KIRREL3: variants seen among roughly 807,000 people sequenced by gnomAD.
KIRREL3 encodes the protein kirre like nephrin family adhesion molecule 3.
KIRREL3 carries 36 observed loss-of-function variants against 89.7 expected under a neutral mutation model. That is an observed-to-expected ratio of 0.40 (90% CI 0.31 to 0.53). KIRREL3 has a LOEUF of 0.53. Among genes scored for constraint, KIRREL3 ranks in the 20% least tolerant of loss-of-function variants. The pLI, the probability that KIRREL3 is intolerant of heterozygous loss-of-function variation, is 0.49. For synonymous variants in KIRREL3, 445 were observed against 441.4 expected, an observed-to-expected ratio of 1.01 and a Z score of -0.10; for missense variants, 864 against 1,056.6, an observed-to-expected ratio of 0.82 and a Z score of 2.53.
chr11:126,902,482 C>G (rs1946411482), intron 1 of KIRREL3, among the ~76,000 whole-genome samples: 1 of 152,142 alleles, frequency 6.6e-6, no homozygotes, highest in Admixed American at 6.5e-5. Context: ...TCTTATGAAA[C>G]TAGGTTAAAG....
Position 126,615,547 on chromosome 11 carries a change from C to T in KIRREL3, c.56-52635G>A, listed in dbSNP as rs1003815046. ...AACCTGTGTTCCTAACCATCCTGCCCACCAGGATCCTGGAGGTATTCAAGC... is the reference window on the plus strand; with the variant it reads ...AACCTGTGTTCCTAACCATCCTGCCTACCAGGATCCTGGAGGTATTCAAGC... On this transcript the variant is annotated intron_variant, in intron 1 of 16. Transcript: ENST00000525144. This position sits in a 1 kb window ranked among gnomAD's most constrained non-coding sequence, Gnocchi z 5.4. 9.2e-5 allele frequency among the ~76,000 whole-genome samples: 14 copies of T among 152,240 alleles called. No homozygotes were observed. In the East Asian group the frequency reaches 1.5e-3, roughly 17 times the overall value.
In KIRREL3 at chr11:126,552,550, GTTTTTTTTT is replaced by G. The variant is rs59392843; in HGVS notation, c.133+10276_133+10284del. Among the ~76,000 whole-genome samples the G allele has an allele frequency of 5.1e-3, 416 of 81,726 alleles. 3 individuals carry two copies. The highest frequency in any genetic ancestry group is 7.4e-3 in the Non-Finnish European group (316 of 42,972). The allele number at this position is 81,726 out of a possible 152,430, so 53.6% of individuals were successfully genotyped here. On this transcript the variant is annotated intron_variant, in intron 2 of 16. Transcript: ENST00000525144. Reference sequence around the variant, plus strand: ...TGCATCACACAGGGGAGAGAGAAAAGTTTTTTTTTTTTTTTTTTTTTTTTTTTTTTTGAG... The same window carrying G: ...TGCATCACACAGGGGAGAGAGAAAAGTTTTTTTTTTTTTTTTTTTTTTGAG...
At chr11:126,730,834 G>T (rs895801089) in intron 1 of KIRREL3, among the ~76,000 whole-genome samples, 4 of 152,086 alleles carry the variant, frequency 2.6e-5, no homozygotes, top group Admixed American at 6.5e-5. Flanking sequence ...CGCCTCCCAG[G>T]TTCACGCCAT....
Position 126,917,656 on chromosome 11 carries a change from C to T in KIRREL3, c.55+82799G>A, listed in dbSNP as rs1947095051. Reference sequence around the variant, plus strand: ...GTTTCTAGTATGAGTTGCTTCCACTCATACTAGAAACCATATATGTATACC... The same window carrying T: ...GTTTCTAGTATGAGTTGCTTCCACTTATACTAGAAACCATATATGTATACC... On this transcript the variant is annotated intron_variant, in intron 1 of 16. Transcript: ENST00000525144. This position sits in a 1 kb window ranked among gnomAD's most constrained non-coding sequence, Gnocchi z 5.0. Among the ~76,000 whole-genome samples, 1 of 152,096 alleles carries T rather than the reference C, an allele frequency of 6.6e-6. No homozygotes were observed. The highest frequency in any genetic ancestry group is 2.4e-5 in the African/African-American group (1 of 41,408).
At position 126,677,929 on chromosome 11, in the gene KIRREL3, G is replaced by A. The variant is rs1946272005; in HGVS notation, c.56-115017C>T. Among the ~76,000 whole-genome samples the A allele has an allele frequency of 6.6e-6, 1 of 152,136 alleles. No homozygotes were observed. Among genetic ancestry groups the A allele is most frequent in the Non-Finnish European group, 1.5e-5 (1 of 68,022 alleles). The stretch of plus-strand genomic sequence containing the variant: ...ACCACCAAGCCCTGTCTTGTCATCA[G>A]CCTCAGTGTCAGGCCCTGGGACCCA... On this transcript the variant is annotated intron_variant, in intron 1 of 16. Coordinates refer to ENST00000525144, the MANE Select transcript of KIRREL3 (RefSeq NM_032531.4). The surrounding 1 kb of genome is among the most constrained non-coding windows in gnomAD (Gnocchi z 5.1).
intron 1 of KIRREL3, among the ~76,000 whole-genome samples, chr11:126,749,709 G>A (rs1949274514): frequency 6.6e-6 from 1 of 152,140 alleles, no homozygotes; most frequent in African/African-American, 2.4e-5. Flanking sequence ...AGTCTTTACA[G>A]GGGAAAGGAG....
At chr11:126,721,846 C>T (rs555894120) in intron 1 of KIRREL3, among the ~76,000 whole-genome samples, 2 of 152,216 alleles carry the variant, frequency 1.3e-5, no homozygotes, top group Admixed American at 6.5e-5. Flanking sequence ...GTCACCAGCA[C>T]GGTCCCTGAC....
intron 1 of KIRREL3, among the ~76,000 whole-genome samples, chr11:126,800,733 C>T (rs1296326080): frequency 6.6e-6 from 1 of 152,166 alleles, no homozygotes; most frequent in Non-Finnish European, 1.5e-5. Flanking sequence ...ACAAACAGGC[C>T]ACCCCTACAG....
At position 126,872,874 on chromosome 11, in the gene KIRREL3, T is replaced by A. The variant is rs1374993244; in HGVS notation, c.55+127581A>T. 6.6e-6 allele frequency among the ~76,000 whole-genome samples: 1 copy of A among 152,202 alleles called. No individual in the cohort carries two copies. The highest frequency in any genetic ancestry group is 1.5e-5 in the Non-Finnish European group (1 of 68,040). ...GCTCTGGGAGCAGGCCTCCTGGGCA[T>A]CTAAGTGACGGCCACTGTTCACCAG... On this transcript the variant is annotated intron_variant, in intron 1 of 16. Transcript: ENST00000525144. This position sits in a 1 kb window ranked among gnomAD's most constrained non-coding sequence, Gnocchi z 4.2.
Position 126,773,221 on chromosome 11 carries a change from T to C in KIRREL3, c.56-210309A>G, listed in dbSNP as rs188488215. On this transcript the variant is annotated intron_variant, in intron 1 of 16. Coordinates refer to ENST00000525144, the MANE Select transcript of KIRREL3 (RefSeq NM_032531.4). This position sits in a 1 kb window ranked among gnomAD's most constrained non-coding sequence, Gnocchi z 4.2. ...GATGTTTTGTCAAACATTCTGGATG[T>C]TTCTGTGAAGGTGTTTCAGGATGAG... 3.9e-5 allele frequency among the ~76,000 whole-genome samples: 6 copies of C among 152,334 alleles called. No individual in the cohort carries two copies. The East Asian group carries it at 1.2e-3, about 29-fold the overall frequency.
chr11:126,574,579 G>A lies in KIRREL3; in HGVS notation c.56-11667C>T, dbSNP rs923109750. ...GCCAAGGACTGCACAGACCCTGCAC[G>A]TCAATAGCTGAGCCCCAGAGAAGTG... is the stretch of plus-strand genomic sequence containing the variant. On this transcript the variant is annotated intron_variant, in intron 1 of 16. Coordinates refer to ENST00000525144, the MANE Select transcript of KIRREL3 (RefSeq NM_032531.4). The surrounding 1 kb of genome is among the most constrained non-coding windows in gnomAD (Gnocchi z 5.3). 4.6e-5 allele frequency among the ~76,000 whole-genome samples: 7 copies of A among 152,180 alleles called. No individual in the cohort carries two copies. Among genetic ancestry groups the A allele is most frequent in the African/African-American group, 1.4e-4 (6 of 41,448 alleles).
intron 1 of KIRREL3, among the ~76,000 whole-genome samples, chr11:126,713,991 G>A (rs1283564268): frequency 6.6e-6 from 1 of 152,156 alleles, no homozygotes; most frequent in African/African-American, 2.4e-5. Context: ...AGGAGGTTTT[G>A]TTGGAACACA....
rs1948628856 is a variant in KIRREL3, at chr11:126,946,710, G to T, written c.55+53745C>A. Among the ~76,000 whole-genome samples, 1 of 152,122 alleles carries T rather than the reference G, an allele frequency of 6.6e-6. No individual in the cohort carries two copies. The highest frequency in any genetic ancestry group is 2.4e-5 in the African/African-American group (1 of 41,408). ...CAATGCTTGGATATCCTAATAACAG[G>T]TGTAATAATAATCACTACTCTTATT... On this transcript the variant is annotated intron_variant, in intron 1 of 16. Transcript: ENST00000525144. The surrounding 1 kb of genome is among the most constrained non-coding windows in gnomAD (Gnocchi z 4.1).
chr11:126,960,444 T>C (rs1949050803), intron 1 of KIRREL3, among the ~76,000 whole-genome samples: 2 of 152,190 alleles, frequency 1.3e-5, no homozygotes, highest in South Asian at 4.1e-4. Flanking sequence ...CAGTGCTCAC[T>C]CCCTGGGATC....
chr11:126,854,126 T>TTTTGTGTGTG (rs1555060276), intron 1 of KIRREL3, among the ~76,000 whole-genome samples: 18 of 144,016 alleles, frequency 1.2e-4, no homozygotes, highest in South Asian at 2.3e-4. Context: ...AATAAGTTTC[T>TTTTGTGTGTG]TGTGTGTGTG....
intron 2 of KIRREL3, among the ~76,000 whole-genome samples, chr11:126,552,067 C>T (rs1001269832): frequency 5.3e-5 from 8 of 152,216 alleles, no homozygotes; most frequent in Non-Finnish European, 2.9e-5. Context: ...TCTTTTGGTT[C>T]GAGACTCTTT....
intron 1 of KIRREL3, among the ~76,000 whole-genome samples, chr11:126,959,852 A>G (rs1013844797): frequency 6.6e-6 from 1 of 152,094 alleles, no homozygotes; most frequent in Non-Finnish European, 1.5e-5. Context: ...TCTCACAGCT[A>G]ACCCCTTCCC....
In KIRREL3 at chr11:126,513,176, C is replaced by T. The variant is rs550005707; in HGVS notation, c.433+8139G>A. 2.0e-5 allele frequency among the ~76,000 whole-genome samples: 3 copies of T among 152,286 alleles called. No homozygotes were observed. The South Asian group carries it at 6.2e-4, about 32-fold the overall frequency. ...CAACAGCAGGAGGCTGAACCCCTACCATAAGCAGTAGACCATGAGTGGGCT... is the reference window on the plus strand; with the variant it reads ...CAACAGCAGGAGGCTGAACCCCTACTATAAGCAGTAGACCATGAGTGGGCT... On this transcript the variant is annotated intron_variant, in intron 4 of 16. Coordinates refer to ENST00000525144, the MANE Select transcript of KIRREL3 (RefSeq NM_032531.4). This position sits in a 1 kb window ranked among gnomAD's most constrained non-coding sequence, Gnocchi z 5.9.
chr11:126,933,480 G>A (rs1310356592), intron 1 of KIRREL3, among the ~76,000 whole-genome samples: 1 of 150,256 alleles, frequency 6.7e-6, no homozygotes, highest in African/African-American at 2.5e-5. Flanking sequence ...AATATCAGAT[G>A]CTTGGCAACT....
Sources: gnomAD v4.1 joint callset for allele counts (sites outside exome capture counted in the v4.1 genomes callset) on GRCh38, gnomAD v4.1.1 for gene constraint, Gnocchi (gnomAD v3.1) non-coding constraint, MANE v1.5 for transcripts, NCBI Gene and HGNC (gene_info 2026-07-23, HGNC 2026-07-21) for gene names.